MYO1D: variants seen among roughly 807,000 people sequenced by gnomAD.
MYO1D encodes myosin ID, also known as unconventional myosin-Id.
A neutral mutation model predicts 122.0 loss-of-function variants in MYO1D; 83 were observed. The ratio of observed to expected loss-of-function variants is 0.68; its 90% CI spans 0.57 to 0.82. MYO1D has a LOEUF of 0.82. Among genes scored for constraint, MYO1D ranks in the 40% least tolerant of loss-of-function variants. MYO1D has a pLI of 0.00. For synonymous variants in MYO1D, 464 were observed against 446.9 expected (o/e 1.04, Z -0.48); for missense variants, 1,157 against 1,269.5 (o/e 0.91, Z 1.35).
intron 21 of MYO1D, among the ~76,000 whole-genome samples, chr17:32,514,239 CAAAAAAAAAAAA>C (rs61570449): frequency 1.5e-4 from 9 of 60,288 alleles, no homozygotes; most frequent in East Asian, 6.5e-4. Context: ...GACTTTGTCT[CAAAAAAAAAAAA>C]AAAAAAAAAA....
chr17:32,790,245 C>T (rs537860762), intron 1 of MYO1D, among the ~76,000 whole-genome samples: 12 of 152,142 alleles, frequency 7.9e-5, no homozygotes, highest in Non-Finnish European at 1.2e-4. Context: ...GCATTCCTAG[C>T]CTTAAATCTT....
At position 32,760,331 on chromosome 17, in the gene MYO1D, C is replaced by T; in HGVS notation, c.1255G>A (p.Glu419Lys). The T allele has an allele frequency of 6.2e-7, 1 of 1,612,560 alleles. No individual in the cohort carries two copies. The highest frequency in any genetic ancestry group is 8.5e-7 in the Non-Finnish European group (1 of 1,178,864). ...QLFIQLVLKQ[E>K]QEEYQREGIP... Reference sequence around the variant, plus strand: ...CCTTCCCGCTGGTATTCCTCTTGTTCTTGCTTCAGAACCAGCTGAATAAAT... The same window carrying T: ...CCTTCCCGCTGGTATTCCTCTTGTTTTTGCTTCAGAACCAGCTGAATAAAT... The change falls in exon 10 of 22, where the codon GAA becomes AAA. Residue 419 changes from glutamate to lysine, a missense_variant. Glu to Lys is a moderately conservative substitution (Grantham distance 56, BLOSUM62 1). Coordinates refer to ENST00000318217, the MANE Select transcript of MYO1D (RefSeq NM_015194.3).
In MYO1D at chr17:32,795,587, C is replaced by T. The variant is rs190857297; in HGVS notation, c.96-14803G>A. 2.4e-3 allele frequency among the ~76,000 whole-genome samples: 371 copies of T among 152,226 alleles called. 3 individuals carry two copies. The highest frequency in any genetic ancestry group is 8.6e-3 in the African/African-American group (357 of 41,534). ...ATAAAGAAGCTATACAATGTCAGCA[C>T]ATGAATAAATCACCATAGCATTATT... On this transcript the variant is annotated intron_variant, in intron 1 of 21. Transcript: ENST00000318217.
chr17:32,594,769 C>G (rs1362397474), intron 21 of MYO1D, among the ~76,000 whole-genome samples: 1 of 152,118 alleles, frequency 6.6e-6, no homozygotes, highest in Non-Finnish European at 1.5e-5. Context: ...TGTTTGTAGC[C>G]AAAATCATTT....
chr17:32,539,280 C>G (rs1231108091), intron 21 of MYO1D, among the ~76,000 whole-genome samples: 1 of 29,344 alleles, frequency 3.4e-5, no homozygotes, highest in Non-Finnish European at 8.0e-5. Context: ...TGTCTCTACA[C>G]ACACACACAC....
chr17:32,738,878 G>T (rs1204921601), intron 13 of MYO1D, among the ~76,000 whole-genome samples: 2 of 151,942 alleles, frequency 1.3e-5, no homozygotes, highest in African/African-American at 4.8e-5. Flanking sequence ...AAAAAACACA[G>T]GTAGGAATAT....
chr17:32,837,950 A>G (rs2090843604), intron 1 of MYO1D, among the ~76,000 whole-genome samples: 1 of 143,792 alleles, frequency 7.0e-6, no homozygotes, highest in Non-Finnish European at 1.5e-5. Flanking sequence ...TCACTAAGGT[A>G]TTGTGCTTTT....
intron 16 of MYO1D, among the ~76,000 whole-genome samples, chr17:32,706,927 A>G (rs1642966): frequency 0.35 from 52,500 of 151,422 alleles, 10,593 homozygotes; most frequent in East Asian, 0.53. Flanking sequence ...CGATCTCCTG[A>G]CCTTGTGATC....
intron 16 of MYO1D, among the ~76,000 whole-genome samples, chr17:32,702,019 C>T (rs2089254223): frequency 6.6e-6 from 1 of 152,238 alleles, no homozygotes; most frequent in African/African-American, 2.4e-5. Flanking sequence ...TGTCTAACAT[C>T]ATTGCTTAAG....
intron 13 of MYO1D, among the ~76,000 whole-genome samples, chr17:32,742,562 A>G (rs2089784593): frequency 6.6e-6 from 1 of 152,266 alleles, no homozygotes; most frequent in South Asian, 2.1e-4. Context: ...TACTGGCCAA[A>G]TAAGGCTGTT....
intron 16 of MYO1D, among the ~76,000 whole-genome samples, chr17:32,700,763 G>A (rs2089237221): frequency 1.3e-5 from 2 of 151,984 alleles, no homozygotes; most frequent in African/African-American, 4.8e-5. Context: ...GGCCAACATG[G>A]TGAAACCCTG....
At chr17:32,712,474 C>T (rs1367191757) in intron 15 of MYO1D, among the ~76,000 whole-genome samples, 1 of 152,058 alleles carries the variant, frequency 6.6e-6, no homozygotes, top group African/African-American at 2.4e-5. Context: ...AAGGGGTAAC[C>T]TTAGAAACAT....
At chr17:32,663,645 T>C (rs2088600096) in intron 16 of MYO1D, among the ~76,000 whole-genome samples, 1 of 152,196 alleles carries the variant, frequency 6.6e-6, no homozygotes, top group Non-Finnish European at 1.5e-5. Flanking sequence ...CACCCACTTA[T>C]TGATATATCA....
At chr17:32,543,747 GCTAAGTC>G (rs1333386411) in intron 21 of MYO1D, among the ~76,000 whole-genome samples, 3 of 152,114 alleles carry the variant, frequency 2.0e-5, no homozygotes, top group African/African-American at 7.2e-5. Context: ...GAGGTGGCAT[GCTAAGTC>G]CTGACTAGAT....
chr17:32,502,564 AT>A (rs931103207), intron 21 of MYO1D, among the ~76,000 whole-genome samples: 20 of 152,072 alleles, frequency 1.3e-4, no homozygotes, highest in East Asian at 5.8e-4. Context: ...TACCACAATA[AT>A]TTTTTTTTAA....
At chr17:32,659,863 G>C (rs1307712443) in intron 16 of MYO1D, among the ~76,000 whole-genome samples, 1 of 152,148 alleles carries the variant, frequency 6.6e-6, no homozygotes, top group African/African-American at 2.4e-5. Context: ...CATGGGTAAA[G>C]GGTAAATCAG....
intron 14 of MYO1D, among the ~76,000 whole-genome samples, chr17:32,727,418 A>C (rs987631528): frequency 6.6e-6 from 1 of 152,236 alleles, no homozygotes; most frequent in Non-Finnish European, 1.5e-5. Flanking sequence ...AGGCAAACCC[A>C]AAGTATATAA....
chr17:32,689,350 A>G (rs1228352408), intron 16 of MYO1D, among the ~76,000 whole-genome samples: 1 of 152,236 alleles, frequency 6.6e-6, no homozygotes, highest in Non-Finnish European at 1.5e-5. Flanking sequence ...CCAACTCAGG[A>G]CAGCTGAGTA....
intron 21 of MYO1D, among the ~76,000 whole-genome samples, chr17:32,546,827 T>C (rs529530829): frequency 7.2e-5 from 11 of 152,274 alleles, no homozygotes; most frequent in African/African-American, 2.4e-4. Flanking sequence ...CTCAAAGTGA[T>C]GTTTGCTTTA....
Sources: gnomAD v4.1 joint callset for allele counts (sites outside exome capture counted in the v4.1 genomes callset) on GRCh38, gnomAD v4.1.1 for gene constraint, MANE v1.5 for transcripts, NCBI Gene and HGNC (gene_info 2026-07-23, HGNC 2026-07-21) for gene names.